The following EML5 variants were observed in gnomAD, a reference collection of about 807,000 sequenced individuals.
EML5 encodes the protein echinoderm microtubule-associated protein-like 5.
A neutral mutation model predicts 250.0 loss-of-function variants in EML5; 120 were observed. The observed-to-expected ratio is 0.48, with a 90% CI of 0.41 to 0.56. The LOEUF (loss-of-function observed/expected upper bound fraction) is 0.56, where lower values mean the gene tolerates loss of function less well. Among genes scored for constraint, EML5 ranks in the 20% least tolerant of loss-of-function variants. The pLI is 0.00. For missense variants in EML5, 2,006 were observed against 2,437.6 expected (o/e 0.82, Z 3.73); for synonymous variants, 771 against 806.5 (o/e 0.96, Z 0.75).
Position 88,736,262 on chromosome 14 carries a change from G to T in EML5, c.1049+102C>A. On this transcript the variant is annotated intron_variant, in intron 7 of 43. Coordinates refer to ENST00000554922, the MANE Select transcript of EML5 (RefSeq NM_183387.3). ...GATCTGCCCGCCTTGGCCTCCCAAAGTGCTGGGATTACGGGCGTGAGCCAC... is the reference window on the plus strand; with the variant it reads ...GATCTGCCCGCCTTGGCCTCCCAAATTGCTGGGATTACGGGCGTGAGCCAC... 3.0e-6 allele frequency: 4 copies of T among 1,340,638 alleles called. No individual in the cohort carries two copies. The South Asian group carries it at 5.3e-5, about 18-fold the overall frequency. The allele number at this position is 1,340,638 out of a possible 1,614,324, so 83.0% of individuals were successfully genotyped here.
intron 33 of EML5, among the ~76,000 whole-genome samples, 178 bp downstream of exon 33, chr14:88,634,291 A>AGTAAATTTCCTGAG (rs2090602550): frequency 2.6e-5 from 4 of 152,152 alleles, no homozygotes; most frequent in Admixed American, 6.5e-5. Flanking sequence ...AGGCCTCCCC[A>AGTAAATTTCCTGAG]GCCCCATTTC....
chr14:88,682,082 C>T (rs2092725057), intron 20 of EML5, 51 bp from the exon 21 acceptor site: 3 of 1,448,640 alleles, frequency 2.1e-6, no homozygotes, highest in Non-Finnish European at 2.7e-6. Flanking sequence ...TATATTTATA[C>T]ACAGTTTTAT....
rs572742395 is a variant in EML5, at chr14:88,732,575, TA to T, written c.1049+3788del. 7.9e-5 allele frequency among the ~76,000 whole-genome samples: 12 copies of T among 152,326 alleles called. No homozygotes were observed. The East Asian group carries it at 2.3e-3, about 29-fold the overall frequency. ...CCCTTTTTTGATTCCATATGAACTT[TA>T]GTTTTTTCCACTTCTGTGAAGAAAG... On this transcript the variant is annotated intron_variant, in intron 7 of 43. Transcript: ENST00000554922.
At chr14:88,621,992 T>TA (rs1309139111) in intron 37 of EML5, 1 of 407,950 alleles carries the variant, frequency 2.5e-6, no homozygotes, top group African/African-American at 2.0e-5. Context: ...TCTGGCTGTG[T>TA]AAACTTGTAT....
At chr14:88,727,727 C>T (rs889910030) in intron 7 of EML5, among the ~76,000 whole-genome samples, 4 of 152,116 alleles carry the variant, frequency 2.6e-5, no homozygotes, top group East Asian at 3.9e-4. Flanking sequence ...CAATGCAGTA[C>T]ATTGATTCTT....
chr14:88,662,705 G>C (rs1023274706), intron 24 of EML5, among the ~76,000 whole-genome samples: 4 of 151,640 alleles, frequency 2.6e-5, no homozygotes, highest in Non-Finnish European at 5.9e-5. Flanking sequence ...ACCATGCCCA[G>C]CTAATTTTTT....
chr14:88,732,277 T>C lies in EML5; in HGVS notation c.1049+4087A>G, dbSNP rs111370714. 8.4e-4 allele frequency among the ~76,000 whole-genome samples: 128 copies of C among 152,352 alleles called. 1 individual carries two copies. Among genetic ancestry groups the C allele is most frequent in the African/African-American group, 2.8e-3 (117 of 41,594 alleles). On this transcript the variant is annotated intron_variant, in intron 7 of 43. Transcript: ENST00000554922. ...AGGAAGGGATCCAGTTTCAGCTTTC[T>C]ACATATGGCTAGCCAGTTTTCCCAG...
rs1388081421 is a variant in EML5, at chr14:88,618,295, C to T, written c.5575G>A (p.Val1859Met). 6.2e-7 allele frequency: 1 copy of T among 1,613,788 alleles called. No homozygotes were observed. Among genetic ancestry groups the T allele is most frequent in the South Asian group, 1.1e-5 (1 of 91,080 alleles). Residue 1859 changes from valine (V) to methionine (M), a missense_variant, in exon 41 of 44, where the codon GTG (valine) becomes ATG (methionine). By Grantham distance (21) the Val-to-Met change is conservative. Coordinates refer to ENST00000554922, the MANE Select transcript of EML5 (RefSeq NM_183387.3). ...TCCATAAGATGTTTTCCTGAAGGCACTTCATAGACATGCCGTTTATAGCAG... is the reference window on the plus strand; with the variant it reads ...TCCATAAGATGTTTTCCTGAAGGCATTTCATAGACATGCCGTTTATAGCAG... ...SGCYKRHVYE[V>M]PSGKHLMDHA... is the part of the protein sequence containing the mutation.
At chr14:88,648,316 T>C (rs911014670) in intron 28 of EML5, among the ~76,000 whole-genome samples, 1 of 152,124 alleles carries the variant, frequency 6.6e-6, no homozygotes, top group Non-Finnish European at 1.5e-5. Context: ...GATATCTCCA[T>C]TTAGTTTTCT....
intron 32 of EML5, among the ~76,000 whole-genome samples, chr14:88,638,411 C>T (rs1152382): frequency 0.95 from 144,778 of 152,306 alleles, 69,122 homozygotes; most frequent in Non-Finnish European, 1. Context: ...TGAACCCCCA[C>T]GGAAGCAGGG....
At chr14:88,683,766 G>A (rs969525339) in intron 20 of EML5, among the ~76,000 whole-genome samples, 2 of 152,084 alleles carry the variant, frequency 1.3e-5, no homozygotes, top group South Asian at 4.1e-4. Flanking sequence ...TGATGAAAAT[G>A]CTCCACAAAT....
chr14:88,698,883 T>C (rs562528038), intron 14 of EML5, among the ~76,000 whole-genome samples: 1 of 152,288 alleles, frequency 6.6e-6, no homozygotes, highest in South Asian at 2.1e-4. Context: ...CTTACGAACA[T>C]TGACTCATGT....
At chr14:88,633,893 G>A (rs1257196030) in intron 33 of EML5, among the ~76,000 whole-genome samples, 3 of 152,084 alleles carry the variant, frequency 2.0e-5, no homozygotes, top group South Asian at 4.1e-4. Flanking sequence ...TTACAGGTGT[G>A]AGCTACCATG....
intron 27 of EML5, among the ~76,000 whole-genome samples, chr14:88,653,640 T>C (rs1374903470): frequency 2.6e-5 from 4 of 152,230 alleles, no homozygotes; most frequent in Non-Finnish European, 4.4e-5. Flanking sequence ...ATCCCAGGGA[T>C]GAAGCCGACT....
chr14:88,708,258 A>G (rs1157646216), intron 10 of EML5, among the ~76,000 whole-genome samples: 1 of 152,134 alleles, frequency 6.6e-6, no homozygotes. Flanking sequence ...GAACCTAGAT[A>G]TCATATCTTT....
At chr14:88,742,873 A>G (rs986286483) in intron 4 of EML5, among the ~76,000 whole-genome samples, 3 of 152,142 alleles carry the variant, frequency 2.0e-5, no homozygotes, top group African/African-American at 7.2e-5. Flanking sequence ...ACGTGGATGG[A>G]GTTAGGCATA....
intron 1 of EML5, among the ~76,000 whole-genome samples, chr14:88,755,816 A>T (rs1470773390): frequency 6.6e-6 from 1 of 152,072 alleles, no homozygotes; most frequent in Non-Finnish European, 1.5e-5. Context: ...AACACAGCAA[A>T]CCATTGTCTC....
In EML5 at chr14:88,740,382, C is replaced by CT; in HGVS notation, c.711+4dup. On this transcript the variant is annotated splice_donor_region_variant and intron_variant, in intron 5 of 43. Coordinates refer to ENST00000554922, the MANE Select transcript of EML5 (RefSeq NM_183387.3). ...AAAGTGTTTAAAATACTTAAATGTA[C>CT]TTACAGCATGGGCTCCTTGTATTGT... is the stretch of plus-strand genomic sequence containing the variant. 6.2e-7 allele frequency: 1 copy of CT among 1,602,812 alleles called. No homozygotes were observed. The highest frequency in any genetic ancestry group is 8.5e-7 in the Non-Finnish European group (1 of 1,174,748).
chr14:88,775,905 AAGAGAG>A (rs36018473), intron 1 of EML5, among the ~76,000 whole-genome samples: 4 of 150,472 alleles, frequency 2.7e-5, no homozygotes, highest in Admixed American at 1.3e-4. Context: ...GGTGGCTCAG[AAGAGAG>A]AGAGAGAGAG....
Sources: allele counts gnomAD v4.1 joint callset (sites outside exome capture counted in the v4.1 genomes callset), GRCh38; gene constraint gnomAD v4.1.1; transcripts MANE v1.5; gene names NCBI Gene and HGNC (gene_info 2026-07-23, HGNC 2026-07-21).